Variants in BPNT2 observed in about 807,000 individuals in gnomAD.
BPNT2 encodes the protein 3'(2'), 5'-bisphosphate nucleotidase 2.
In BPNT2, 11 loss-of-function variants were observed where a neutral mutation model predicts 29.3. That is an observed-to-expected ratio of 0.38 (90% CI 0.24 to 0.62). The LOEUF (loss-of-function observed/expected upper bound fraction) is 0.62, where lower values mean the gene tolerates loss of function less well. Ranked by LOEUF, BPNT2 falls within the 20% of genes least tolerant of loss-of-function variation. The pLI is 0.62. For synonymous variants in BPNT2, 195 were observed against 187.7 expected (o/e 1.04, Z -0.32); for missense variants, 459 against 473.4 (o/e 0.97, Z 0.28).
At position 56,993,576 on chromosome 8, in the gene BPNT2, TG is replaced by T; in HGVS notation, c.9del (p.Met4TrpfsTer78). 2 of 1,449,192 alleles carry T rather than the reference TG, an allele frequency of 1.4e-6. No homozygotes were observed. Among genetic ancestry groups the T allele is most frequent in the Non-Finnish European group, 1.8e-6 (2 of 1,097,730 alleles). 89.8% of individuals were successfully genotyped at this position (1,449,192 alleles called of 1,614,324 possible). The part of the protein sequence containing the change: MA[P>X]MGIRLSPLGV... ...CCCAGTGGGGAAAGGCGGATGCCCA[TG>T]GGGGCCATGGCGTGGGAAGCCGGGC... On this transcript the variant is annotated frameshift_variant, in exon 1 of 5. Coordinates refer to ENST00000262644, the MANE Select transcript of BPNT2 (RefSeq NM_017813.5). LOFTEE classifies it high-confidence loss of function.
At chr8:56,968,499 C>T (rs188539910) in intron 3 of BPNT2, among the ~76,000 whole-genome samples, 246 of 151,898 alleles carry the variant, frequency 1.6e-3, no homozygotes, top group Non-Finnish European at 1.9e-3. Flanking sequence ...AGAAAATGTC[C>T]CTAAAAAACA....
Position 56,977,273 on chromosome 8 carries a change from C to T in BPNT2, c.646+777G>A, listed in dbSNP as rs1046559732. 7.9e-5 allele frequency among the ~76,000 whole-genome samples: 12 copies of T among 152,000 alleles called. 1 individual carries two copies. Among genetic ancestry groups the T allele is most frequent in the African/African-American group, 2.9e-4 (12 of 41,382 alleles). ...ATTCTAAAGGCCAGAAGTCTAAAAT[C>T]AAGGGGTCAGCAGGGTTAGTTTCTT... On this transcript the variant is annotated intron_variant, in intron 3 of 4. Coordinates refer to ENST00000262644, the MANE Select transcript of BPNT2 (RefSeq NM_017813.5).
chr8:56,979,940 CAGTG>C (rs1336876437), intron 2 of BPNT2, 91 bp downstream of exon 2: 1 of 1,145,900 alleles, frequency 8.7e-7, no homozygotes, highest in Non-Finnish European at 1.3e-6. Context: ...ACTGAACAAT[CAGTG>C]AGCCACTATC....
chr8:56,976,747 CACAG>C (rs552497855), intron 3 of BPNT2, among the ~76,000 whole-genome samples: 2 of 152,146 alleles, frequency 1.3e-5, no homozygotes, highest in Non-Finnish European at 2.9e-5. Flanking sequence ...CTCCCCACTT[CACAG>C]ACAGCCTTTT....
chr8:56,973,905 C>A (rs920304877), intron 3 of BPNT2, among the ~76,000 whole-genome samples: 1 of 152,102 alleles, frequency 6.6e-6, no homozygotes, highest in Admixed American at 6.6e-5. Context: ...GTCAAACAGA[C>A]ATTACAACAT....
intron 3 of BPNT2, among the ~76,000 whole-genome samples, chr8:56,966,580 T>G (rs1001415479): frequency 6.6e-6 from 1 of 152,326 alleles, no homozygotes; most frequent in African/African-American, 2.4e-5. Flanking sequence ...GTTCATGTTA[T>G]CTTGCATAAC....
intron 1 of BPNT2, among the ~76,000 whole-genome samples, chr8:56,981,008 A>AC (rs34902100): frequency 0.21 from 31,809 of 151,876 alleles, 3,709 homozygotes; most frequent in East Asian, 0.45. Context: ...AGATTGCTCA[A>AC]TTTGGCACGA....
intron 1 of BPNT2, among the ~76,000 whole-genome samples, chr8:56,980,913 A>G (rs540112838): frequency 6.6e-6 from 1 of 150,950 alleles, no homozygotes; most frequent in Non-Finnish European, 1.5e-5. Context: ...ATTTCTACAT[A>G]TAACATATAT....
Position 56,963,879 on chromosome 8 carries a change from C to T in BPNT2, c.994G>A (p.Glu332Lys). The change falls in exon 5 of 5, where the codon GAA becomes AAA. Residue 332 changes from glutamate to lysine, a missense_variant. Coordinates refer to ENST00000262644, the MANE Select transcript of BPNT2 (RefSeq NM_017813.5). ...CTGATGCTAGCAAGGAGTCCCCCTT[C>T]AATGCCGTCTGAACCAGTGTAACTG... ...EISYTGSDGI[E>K]GGLLASIRMN... 6.2e-7 allele frequency: 1 copy of T among 1,614,156 alleles called. No homozygotes were observed. The highest frequency in any genetic ancestry group is 8.5e-7 in the Non-Finnish European group (1 of 1,180,012).
intron 4 of BPNT2, 38 bp from the exon 5 acceptor site, chr8:56,964,102 A>G (rs1322080227): frequency 6.9e-7 from 1 of 1,452,928 alleles, no homozygotes; most frequent in African/African-American, 1.4e-5. Flanking sequence ...ATTATTCAAA[A>G]AATTTTAAGA....
At position 56,960,073 on chromosome 8, in the gene BPNT2, A is replaced by T. The variant is rs1398362182; in HGVS notation, c.*3720T>A. The stretch of plus-strand genomic sequence containing the variant: ...TTCTAGGATCAATCAACACATAGCC[A>T]ATAGGTAGTTACAGCTAGAATAATT... On this transcript the variant is annotated 3_prime_UTR_variant, in exon 5 of 5. Transcript: ENST00000262644. The T allele has an allele frequency of 6.6e-6, 1 of 152,234 alleles. No homozygotes were observed. Among genetic ancestry groups the T allele is most frequent in the East Asian group, 1.9e-4 (1 of 5,200 alleles). 9.4% of individuals were successfully genotyped at this position (152,234 alleles called of 1,614,324 possible). A position where few individuals can be genotyped will look rare whatever the true frequency, so the allele number is the denominator to read the frequency against.
chr8:56,993,408 T>C lies in BPNT2; in HGVS notation c.178A>G (p.Thr60Ala). 6.3e-7 allele frequency: 1 copy of C among 1,586,730 alleles called. No homozygotes were observed. Among genetic ancestry groups the C allele is most frequent in the Non-Finnish European group, 8.5e-7 (1 of 1,170,656 alleles). The change falls in exon 1 of 5, where the codon ACC becomes GCC. Residue 60 changes from threonine (T) to alanine (A), a missense_variant. By Grantham distance (58) the Thr-to-Ala change is moderately conservative. Coordinates refer to ENST00000262644, the MANE Select transcript of BPNT2 (RefSeq NM_017813.5). ...GCCAGCATCTCGCGCAAGTCCACGG[T>C]GCCCCCATCGGCCGCGGCCGCGGGC... is the stretch of plus-strand genomic sequence containing the variant. ...AGPAAAADGG[T>A]VDLREMLAVS...
chr8:56,989,848 T>C (rs1477810264), intron 1 of BPNT2, among the ~76,000 whole-genome samples: 2 of 152,216 alleles, frequency 1.3e-5, no homozygotes, highest in Non-Finnish European at 2.9e-5. Flanking sequence ...AAGTGCATTT[T>C]ACTCAAACTC....
chr8:56,979,228 T>G (rs1216168869), intron 2 of BPNT2, among the ~76,000 whole-genome samples: 1 of 152,090 alleles, frequency 6.6e-6, no homozygotes, highest in Non-Finnish European at 1.5e-5. Context: ...AAACAATAAC[T>G]AAGCACTCAT....
At chr8:56,969,157 C>T (rs1805994130) in intron 3 of BPNT2, among the ~76,000 whole-genome samples, 1 of 152,214 alleles carries the variant, frequency 6.6e-6, no homozygotes, top group African/African-American at 2.4e-5. Flanking sequence ...GACTTCTGGC[C>T]TCCAAAACTT....
In BPNT2 at chr8:56,963,857, A is replaced by C. The variant is rs1805889314; in HGVS notation, c.1016T>G (p.Ile339Ser). 9.3e-6 allele frequency: 15 copies of C among 1,614,078 alleles called. No individual in the cohort carries two copies. The highest frequency in any genetic ancestry group is 1.2e-5 in the Non-Finnish European group (14 of 1,180,020). The change falls in exon 5 of 5, where the codon ATC becomes AGC. Residue 339 changes from isoleucine (I) to serine (S), a missense_variant. By Grantham distance (142) the Ile-to-Ser change is moderately radical. Coordinates refer to ENST00000262644, the MANE Select transcript of BPNT2 (RefSeq NM_017813.5). ...DGIEGGLLAS[I>S]RMNHQALVRK... ...GACCAGGGCCTGGTGGTTCATTCTG[A>C]TGCTAGCAAGGAGTCCCCCTTCAAT...
rs1173682845 is a variant in BPNT2 at position 56,963,858 on chromosome 8, T to C, written c.1015A>G (p.Ile339Val). Residue 339 changes from isoleucine (I) to valine (V), a missense_variant, in exon 5 of 5, where the codon ATC (isoleucine) becomes GTC (valine). Ile to Val is a conservative substitution (Grantham distance 29). Coordinates refer to ENST00000262644, the MANE Select transcript of BPNT2 (RefSeq NM_017813.5). ...ACCAGGGCCTGGTGGTTCATTCTGA[T>C]GCTAGCAAGGAGTCCCCCTTCAATG... ...DGIEGGLLAS[I>V]RMNHQALVRK... 2 of 1,614,194 alleles carry C rather than the reference T, an allele frequency of 1.2e-6. No homozygotes were observed. Among genetic ancestry groups the C allele is most frequent in the Admixed American group, 1.7e-5 (1 of 60,030 alleles).
At chr8:56,979,058 T>C (rs1806196050) in intron 2 of BPNT2, among the ~76,000 whole-genome samples, 1 of 152,126 alleles carries the variant, frequency 6.6e-6, no homozygotes, top group Non-Finnish European at 1.5e-5. Context: ...TAAAACAAAT[T>C]GCATTTAGAG....
intron 1 of BPNT2, among the ~76,000 whole-genome samples, chr8:56,987,887 C>T (rs949718658): frequency 1.3e-5 from 2 of 152,064 alleles, no homozygotes; most frequent in African/African-American, 4.8e-5. Flanking sequence ...CGCCACCACG[C>T]CCAGCTAATT....
Sources: gnomAD v4.1 joint callset for allele counts (sites outside exome capture counted in the v4.1 genomes callset) on GRCh38, gnomAD v4.1.1 for gene constraint, MANE v1.5 for transcripts, NCBI Gene and HGNC (gene_info 2026-07-23, HGNC 2026-07-21) for gene names.